SSBP3: variants seen among roughly 807,000 people sequenced by gnomAD.
SSBP3 encodes single-stranded DNA-binding protein 3.
In SSBP3, 5 loss-of-function variants were observed where a neutral mutation model predicts 69.6. The observed-to-expected ratio is 0.07, with a 90% CI of 0.04 to 0.15. The LOEUF is 0.15. SSBP3 is among the 10% of genes least tolerant of loss of function. SSBP3 has a pLI of 1.00. For synonymous variants in SSBP3, 196 were observed against 193.4 expected (o/e 1.01, Z -0.11); for missense variants, 312 against 534.0 (o/e 0.58, Z 4.10).
chr1:54,345,651 A>C (rs762322492), intron 4 of SSBP3, among the ~76,000 whole-genome samples: 1 of 152,206 alleles, frequency 6.6e-6, no homozygotes, highest in Non-Finnish European at 1.5e-5. Flanking sequence ...GTCTCACCCC[A>C]AACGCCAAGC....
At chr1:54,368,255 G>A (rs1457516321) in intron 4 of SSBP3, among the ~76,000 whole-genome samples, 3 of 138,212 alleles carry the variant, frequency 2.2e-5, no homozygotes, top group South Asian at 2.3e-4. Context: ...CCAAGATCAC[G>A]CCACTGCACT....
intron 4 of SSBP3, among the ~76,000 whole-genome samples, chr1:54,345,383 A>G (rs905127953): frequency 1.3e-5 from 2 of 152,002 alleles, no homozygotes; most frequent in African/African-American, 4.8e-5. Flanking sequence ...TCTAAAAACC[A>G]CCCGAGTCTC....
intron 4 of SSBP3, among the ~76,000 whole-genome samples, chr1:54,334,275 C>A (rs754579367): frequency 9.9e-5 from 15 of 151,844 alleles, no homozygotes; most frequent in Admixed American, 8.5e-4. Context: ...TCACTTGAAC[C>A]CGGGAGGCGG....
At chr1:54,335,258 C>T (rs1646488941) in intron 4 of SSBP3, among the ~76,000 whole-genome samples, 1 of 152,196 alleles carries the variant, frequency 6.6e-6, no homozygotes, top group Non-Finnish European at 1.5e-5. Context: ...TCAAGGCCTC[C>T]GCTGCATTCC....
chr1:54,412,198 C>G (rs1179128654), intron 1 of SSBP3, among the ~76,000 whole-genome samples: 2 of 150,448 alleles, frequency 1.3e-5, no homozygotes, highest in African/African-American at 4.9e-5. Context: ...GCGTGGTGGC[C>G]TGTGCCTGTA....
intron 4 of SSBP3, among the ~76,000 whole-genome samples, chr1:54,322,003 C>A (rs1646222061): frequency 6.6e-6 from 1 of 152,206 alleles, no homozygotes; most frequent in Non-Finnish European, 1.5e-5. Context: ...CCCTGCCCTT[C>A]CAAAGCTTCA....
intron 7 of SSBP3, among the ~76,000 whole-genome samples, chr1:54,256,811 G>A (rs1467021582): frequency 6.6e-6 from 1 of 152,150 alleles, no homozygotes; most frequent in African/African-American, 2.4e-5. Flanking sequence ...AGAAGGGAGG[G>A]GCAGGGCATT....
At chr1:54,318,006 G>A (rs557280357) in intron 4 of SSBP3, among the ~76,000 whole-genome samples, 44 of 152,314 alleles carry the variant, frequency 2.9e-4, no homozygotes, top group African/African-American at 9.6e-4. Context: ...GACCTCAGGT[G>A]ATCCACCTGC....
At position 54,240,265 on chromosome 1, in the gene SSBP3, C is replaced by T. The variant is rs543579262; in HGVS notation, c.856+640G>A. Among the ~76,000 whole-genome samples, 1,139 of 151,008 alleles carry T rather than the reference C, an allele frequency of 7.5e-3. 13 individuals carry two copies. Among genetic ancestry groups the T allele is most frequent in the African/African-American group, 0.026 (1,070 of 40,808 alleles). On this transcript the variant is annotated intron_variant, in intron 13 of 17. Coordinates refer to ENST00000610401, the Ensembl canonical transcript of SSBP3. ...CCTGAGGTCAGGAGTTCAAGGCCAG[C>T]CTGGGTACATGGTGAAACCCCATCT... is the stretch of plus-strand genomic sequence containing the variant.
At chr1:54,276,480 G>A (rs1645287662) in intron 5 of SSBP3, among the ~76,000 whole-genome samples, 1 of 151,784 alleles carries the variant, frequency 6.6e-6, no homozygotes, top group African/African-American at 2.4e-5. Flanking sequence ...GCATGGTGGT[G>A]AGCGCCTGTA....
intron 4 of SSBP3, among the ~76,000 whole-genome samples, chr1:54,319,075 GAGT>G (rs1646167445): frequency 2.0e-5 from 3 of 152,138 alleles, no homozygotes; most frequent in Admixed American, 2.0e-4. Flanking sequence ...ACGCTCAATG[GAGT>G]AGAAGGGCAA....
At chr1:54,287,495 T>C (rs1012218028) in intron 4 of SSBP3, 3 of 152,162 alleles carry the variant, frequency 2.0e-5, no homozygotes, top group Non-Finnish European at 4.4e-5. Context: ...CAAGGGAGCT[T>C]GGGGCACTCC....
At chr1:54,269,980 AC>A (rs1345199846) in intron 5 of SSBP3, among the ~76,000 whole-genome samples, 3 of 152,160 alleles carry the variant, frequency 2.0e-5, no homozygotes, top group Non-Finnish European at 4.4e-5. Flanking sequence ...CTACCTCCCA[AC>A]CCTGGGAGCA....
chr1:54,338,335 G>A (rs985207590), intron 4 of SSBP3, among the ~76,000 whole-genome samples: 1 of 152,200 alleles, frequency 6.6e-6, no homozygotes, highest in African/African-American at 2.4e-5. Flanking sequence ...ATCCTTGAGG[G>A]ACAATACCTT....
At chr1:54,405,882 ACCTGCCTCCCACCGC>A (rs1649710008) in intron 1 of SSBP3, 56 bp downstream of exon 1, 7 of 125,524 alleles carry the variant, frequency 5.6e-5, no homozygotes, top group Non-Finnish European at 9.8e-5. Context: ...CCGCCCGCCC[ACCTGCCTCCCACCGC>A]CCGCCCGCCC....
chr1:54,241,210 C>T (rs536401230), intron 12 of SSBP3, among the ~76,000 whole-genome samples: 8 of 152,280 alleles, frequency 5.3e-5, no homozygotes, highest in Admixed American at 5.2e-4. Context: ...ACAGGCATGC[C>T]CACTAGAGAG....
intron 13 of SSBP3, 21 bp from the exon 14 acceptor site, chr1:54,239,220 A>G: frequency 3.1e-6 from 5 of 1,588,494 alleles, no homozygotes; most frequent in Non-Finnish European, 4.3e-6. Context: ...GTGGAAACCC[A>G]CAAGTCGGGG....
At chr1:54,365,577 C>T (rs1647017557) in intron 4 of SSBP3, among the ~76,000 whole-genome samples, 1 of 152,120 alleles carries the variant, frequency 6.6e-6, no homozygotes, top group South Asian at 2.1e-4. Context: ...AAGGCACATG[C>T]CCTCCCACTC....
intron 4 of SSBP3, among the ~76,000 whole-genome samples, chr1:54,297,011 T>C (rs182376737): frequency 1.3e-5 from 2 of 152,332 alleles, no homozygotes; most frequent in African/African-American, 2.4e-5. Flanking sequence ...ATTTATTTTA[T>C]ATCCGACCTA....
Sources: gnomAD v4.1 joint callset for allele counts (sites outside exome capture counted in the v4.1 genomes callset) on GRCh38, gnomAD v4.1.1 for gene constraint, MANE v1.5 for transcripts, NCBI Gene and HGNC (gene_info 2026-07-23, HGNC 2026-07-21) for gene names.